ELOVL6: variants seen among roughly 807,000 people sequenced by gnomAD.
ELOVL6 encodes very long chain fatty acid elongase 6.
ELOVL6 carries 8 observed loss-of-function variants against 31.7 expected under a neutral mutation model. The ratio of observed to expected loss-of-function variants is 0.25; its 90% CI spans 0.15 to 0.45. ELOVL6 has a LOEUF of 0.45. Among genes scored for constraint, ELOVL6 ranks in the 20% least tolerant of loss-of-function variants. The probability of loss-of-function intolerance (pLI) is 1.00; values close to 1 mark genes in which losing one functional copy is unlikely to be tolerated. For synonymous variants in ELOVL6, 101 were observed against 117.7 expected, an observed-to-expected ratio of 0.86 and a Z score of 0.92; for missense variants, 126 against 326.4, an observed-to-expected ratio of 0.39 and a Z score of 4.73.
intron 2 of ELOVL6, among the ~76,000 whole-genome samples, chr4:110,078,333 C>G (rs1755717460): frequency 2.0e-5 from 3 of 152,130 alleles, no homozygotes; most frequent in Admixed American, 6.5e-5. Flanking sequence ...TAAGGGCAGC[C>G]AGAGAGAAAG....
intron 1 of ELOVL6, among the ~76,000 whole-genome samples, chr4:110,176,271 TC>T (rs1480336351): frequency 1.3e-5 from 2 of 152,128 alleles, no homozygotes; most frequent in Non-Finnish European, 1.5e-5. Context: ...CAAGTGATTC[TC>T]CTGCCTCAGC....
intron 1 of ELOVL6, among the ~76,000 whole-genome samples, chr4:110,182,883 G>A (rs1049860557): frequency 6.6e-6 from 1 of 151,948 alleles, no homozygotes; most frequent in Non-Finnish European, 1.5e-5. Flanking sequence ...ACTCCAGCCT[G>A]GGCAACAAGA....
At chr4:110,113,078 A>G (rs1008304051) in intron 1 of ELOVL6, among the ~76,000 whole-genome samples, 1 of 149,592 alleles carries the variant, frequency 6.7e-6, no homozygotes, top group Admixed American at 6.7e-5. Context: ...TACAAAAAAA[A>G]TTAGCCAGGC....
chr4:110,177,946 A>G (rs1475008370), intron 1 of ELOVL6, among the ~76,000 whole-genome samples: 2 of 152,162 alleles, frequency 1.3e-5, no homozygotes, highest in Non-Finnish European at 2.9e-5. Context: ...TTTGTACCTG[A>G]CTGGTCAAAC....
At position 110,105,477 on chromosome 4, in the gene ELOVL6, G is replaced by GA; in HGVS notation, c.221+19dup. ...GTGATAAAATGGATACGTTTTATTA[G>GA]AAAAATGAAAAAAACCTACCTGAAG... is the stretch of plus-strand genomic sequence containing the variant. On this transcript the variant is annotated intron_variant, in intron 2 of 3. Transcript: ENST00000302274. 1.3e-6 allele frequency: 2 copies of GA among 1,583,342 alleles called. No individual in the cohort carries two copies. The highest frequency in any genetic ancestry group is 1.7e-6 in the Non-Finnish European group (2 of 1,169,132).
At chr4:110,115,346 A>G (rs759267643) in intron 1 of ELOVL6, among the ~76,000 whole-genome samples, 27 of 152,332 alleles carry the variant, frequency 1.8e-4, no homozygotes, top group Non-Finnish European at 3.1e-4. Context: ...CAGAAGAAAT[A>G]TATTTTTAGT....
At chr4:110,169,637 G>T (rs566353151) in intron 1 of ELOVL6, among the ~76,000 whole-genome samples, 1 of 151,876 alleles carries the variant, frequency 6.6e-6, no homozygotes, top group East Asian at 1.9e-4. Context: ...AAGGATTCAC[G>T]GTGTGTGTGT....
intron 1 of ELOVL6, among the ~76,000 whole-genome samples, chr4:110,167,422 A>AT (rs997160431): frequency 5.3e-5 from 8 of 152,016 alleles, no homozygotes; most frequent in Admixed American, 2.6e-4. Context: ...TGTGGTATAC[A>AT]TTTTTTTTGT....
chr4:110,084,001 TGCC>T (rs1470134770), intron 2 of ELOVL6, among the ~76,000 whole-genome samples: 1,374 of 58,920 alleles, frequency 0.023, 200 homozygotes, highest in African/African-American at 0.037. Context: ...ATATAACATA[TGCC>T]ATATATGGTA....
chr4:110,105,957 A>G (rs1756878564), intron 1 of ELOVL6, among the ~76,000 whole-genome samples: 1 of 152,238 alleles, frequency 6.6e-6, no homozygotes, highest in Non-Finnish European at 1.5e-5. Flanking sequence ...TTTATTCTTT[A>G]GAGTTTGTTG....
intron 2 of ELOVL6, among the ~76,000 whole-genome samples, chr4:110,101,304 T>G (rs1282110095): frequency 6.6e-6 from 1 of 151,888 alleles, no homozygotes; most frequent in East Asian, 1.9e-4. Flanking sequence ...CCTCCCAAAG[T>G]GCTGGGATTA....
rs190366165 is a variant in ELOVL6, at chr4:110,136,858, G to A, written c.90-31230C>T. On this transcript the variant is annotated intron_variant, in intron 1 of 3. Transcript: ENST00000302274. ...TAGGGGAAGAGTGAGAAAGGTGGAA[G>A]TGGAGAAATAGAGGCCCAAAAAGAA... Among the ~76,000 whole-genome samples, 44 of 152,188 alleles carry A rather than the reference G, an allele frequency of 2.9e-4. 1 individual carries two copies. In the East Asian group the frequency reaches 5.0e-3, roughly 17 times the overall value.
At chr4:110,132,935 G>T (rs1438828829) in intron 1 of ELOVL6, among the ~76,000 whole-genome samples, 1 of 152,132 alleles carries the variant, frequency 6.6e-6, no homozygotes, top group Non-Finnish European at 1.5e-5. Flanking sequence ...TCTACAGGGT[G>T]TGGGACATAG....
intron 2 of ELOVL6, among the ~76,000 whole-genome samples, chr4:110,095,790 T>C (rs1342031376): frequency 1.4e-5 from 2 of 144,778 alleles, no homozygotes; most frequent in African/African-American, 2.6e-5. Flanking sequence ...AAGACCATAA[T>C]TGGAGGGTCC....
At chr4:110,090,508 T>A (rs914101846) in intron 2 of ELOVL6, among the ~76,000 whole-genome samples, 1 of 151,496 alleles carries the variant, frequency 6.6e-6, no homozygotes, top group African/African-American at 2.4e-5. Flanking sequence ...GTGCTGGACC[T>A]GGGCATGCAG....
chr4:110,109,589 A>T (rs562294154), intron 1 of ELOVL6, among the ~76,000 whole-genome samples: 3 of 152,294 alleles, frequency 2.0e-5, no homozygotes, highest in East Asian at 1.9e-4. Context: ...TTCTTACCAG[A>T]GTAGCTGAGC....
Position 110,158,635 on chromosome 4 carries a change from GTA to G in ELOVL6, c.89+39610_89+39611del, listed in dbSNP as rs780807092. On this transcript the variant is annotated intron_variant, in intron 1 of 3. Transcript: ENST00000302274. ...TATATACACACACATATATACACGT[GTA>G]TATATATATATATATATATATTTTT... Among the ~76,000 whole-genome samples, 501 of 81,528 alleles carry G rather than the reference GTA, an allele frequency of 6.1e-3. 4 individuals are homozygous for G. Among genetic ancestry groups the G allele is most frequent in the Non-Finnish European group, 7.7e-3 (360 of 46,650 alleles). 53.5% of individuals were successfully genotyped at this position (81,528 alleles called of 152,430 possible). A position where few individuals can be genotyped will look rare whatever the true frequency, so the allele number is the denominator to read the frequency against.
intron 1 of ELOVL6, among the ~76,000 whole-genome samples, chr4:110,167,577 G>C (rs13108050): frequency 2.6e-5 from 4 of 152,282 alleles, no homozygotes; most frequent in East Asian, 3.9e-4. Flanking sequence ...CTGTTGCCCA[G>C]GCTGGAGTGC....
At chr4:110,119,143 T>C (rs1757271347) in intron 1 of ELOVL6, among the ~76,000 whole-genome samples, 1 of 151,822 alleles carries the variant, frequency 6.6e-6, no homozygotes, top group Non-Finnish European at 1.5e-5. Flanking sequence ...ATAAAATAGG[T>C]GGTATTGGCT....
Sources: gnomAD v4.1 joint callset for allele counts (sites outside exome capture counted in the v4.1 genomes callset) on GRCh38, gnomAD v4.1.1 for gene constraint, MANE v1.5 for transcripts, NCBI Gene and HGNC (gene_info 2026-07-23, HGNC 2026-07-21) for gene names.